DOK6: variants seen among roughly 807,000 people sequenced by gnomAD.
The protein encoded by DOK6 is docking protein 6.
In DOK6, 22 loss-of-function variants were observed where a neutral mutation model predicts 44.0. That is an observed-to-expected ratio of 0.50 (90% CI 0.36 to 0.71). DOK6 has a LOEUF of 0.71. DOK6 is among the 30% of genes least tolerant of loss of function. The pLI, the probability that DOK6 is intolerant of heterozygous loss-of-function variation, is 0.00. For missense variants in DOK6, 340 were observed against 416.4 expected (o/e 0.82, Z 1.60); for synonymous variants, 166 against 145.5 (o/e 1.14, Z -1.01).
rs35345033 is a variant in DOK6, at chr18:69,635,270, ATT to A, written c.289+35776_289+35777del. Among the ~76,000 whole-genome samples, 1,016 of 148,992 alleles carry A rather than the reference ATT, an allele frequency of 6.8e-3. 13 individuals carry two copies. Among genetic ancestry groups the A allele is most frequent in the Non-Finnish European group, 0.01 (685 of 66,210 alleles). ...GCGAGGTGGAAACCAGAGATTCGATATTTTTCTCTTTTTTTCTCCTCATATGG... is the reference window on the plus strand; with the variant it reads ...GCGAGGTGGAAACCAGAGATTCGATATTTCTCTTTTTTTCTCCTCATATGG... On this transcript the variant is annotated intron_variant, in intron 3 of 7. Coordinates refer to ENST00000382713, the MANE Select transcript of DOK6 (RefSeq NM_152721.6).
intron 5 of DOK6, among the ~76,000 whole-genome samples, chr18:69,707,758 AG>A (rs923076478): frequency 1.4e-4 from 21 of 152,152 alleles, no homozygotes; most frequent in African/African-American, 4.8e-4. Flanking sequence ...ACTAGTGATA[AG>A]GTTTCCAGAT....
chr18:69,564,430 T>C, intron 1 of DOK6, 57 bp from the exon 2 acceptor site: 1 of 1,481,050 alleles, frequency 6.8e-7, no homozygotes, highest in Non-Finnish European at 9.3e-7. Context: ...AATCAACTCC[T>C]AATGTCGTAA....
At chr18:69,678,374 C>T (rs967734700) in intron 4 of DOK6, among the ~76,000 whole-genome samples, 8 of 152,142 alleles carry the variant, frequency 5.3e-5, no homozygotes, top group Admixed American at 3.9e-4. Flanking sequence ...TGTGGCATTG[C>T]CTTTTATCCT....
At chr18:69,528,315 G>A (rs533395095) in intron 1 of DOK6, among the ~76,000 whole-genome samples, 22 of 152,118 alleles carry the variant, frequency 1.4e-4, no homozygotes, top group African/African-American at 3.4e-4. Flanking sequence ...TAAATATAAC[G>A]GTTATATTCT....
intron 7 of DOK6, among the ~76,000 whole-genome samples, chr18:69,774,133 G>GATAGATATATATATAT (rs1555670145): frequency 1.0e-4 from 7 of 66,866 alleles, no homozygotes; most frequent in African/African-American, 1.7e-4. Flanking sequence ...ATATATATGA[G>GATAGATATATATATAT]ATATATATAT....
chr18:69,787,526 T>A (rs1980468394), intron 7 of DOK6, among the ~76,000 whole-genome samples: 1 of 152,172 alleles, frequency 6.6e-6, no homozygotes, highest in Non-Finnish European at 1.5e-5. Flanking sequence ...CTGTCAAGGG[T>A]CACAGTCTTG....
intron 7 of DOK6, among the ~76,000 whole-genome samples, chr18:69,793,445 G>A (rs182064173): frequency 7.2e-5 from 11 of 152,184 alleles, no homozygotes; most frequent in East Asian, 1.9e-4. Context: ...GTTGATTACC[G>A]CACCAGAGTT....
chr18:69,633,912 A>G (rs1488641097), intron 3 of DOK6, among the ~76,000 whole-genome samples: 1 of 152,164 alleles, frequency 6.6e-6, no homozygotes, highest in Non-Finnish European at 1.5e-5. Flanking sequence ...TGGCTCACCA[A>G]TGGTTTTAGG....
chr18:69,626,078 C>T (rs1314096008), intron 3 of DOK6, among the ~76,000 whole-genome samples: 1 of 152,168 alleles, frequency 6.6e-6, no homozygotes, highest in African/African-American at 2.4e-5. Context: ...TGCCAATTCC[C>T]AAGCAGAGAA....
chr18:69,770,761 C>T (rs1979864422), intron 7 of DOK6, among the ~76,000 whole-genome samples: 1 of 152,106 alleles, frequency 6.6e-6, no homozygotes, highest in South Asian at 2.1e-4. Context: ...GTTCCTCCCT[C>T]ATTTCAACTT....
Position 69,431,610 on chromosome 18 carries a change from A to G in DOK6, c.66+30300A>G, listed in dbSNP as rs565043647. On this transcript the variant is annotated intron_variant, in intron 1 of 7. Transcript: ENST00000382713. ...GGCGCTACCTGTCTCATTCCAGCCC[A>G]AGAATGGCAGGGCTGATTTTTACAG... Among the ~76,000 whole-genome samples, 3 of 152,316 alleles carry G rather than the reference A, an allele frequency of 2.0e-5. No homozygotes were observed. In the East Asian group the frequency reaches 5.8e-4, roughly 29 times the overall value.
intron 2 of DOK6, among the ~76,000 whole-genome samples, chr18:69,587,797 G>C (rs1568304553): frequency 7.8e-5 from 4 of 51,450 alleles, no homozygotes; most frequent in African/African-American, 2.2e-4. Context: ...ACACACACGA[G>C]AAGTAAGTGC....
chr18:69,469,797 GGCAGAGGCGCC>G, intron 1 of DOK6: 3 of 237,016 alleles, frequency 1.3e-5, no homozygotes, highest in Non-Finnish European at 2.6e-5. Flanking sequence ...GATGGAGCGC[GGCAGAGGCGCC>G]CCCACTGTCT....
chr18:69,640,291 T>C (rs1461499260), intron 3 of DOK6, among the ~76,000 whole-genome samples: 1 of 152,220 alleles, frequency 6.6e-6, no homozygotes, highest in Non-Finnish European at 1.5e-5. Flanking sequence ...TCAAAGAGAA[T>C]CTCACAGTCC....
intron 1 of DOK6, among the ~76,000 whole-genome samples, chr18:69,551,195 G>T (rs927806424): frequency 1.3e-5 from 2 of 152,118 alleles, no homozygotes; most frequent in Admixed American, 1.3e-4. Flanking sequence ...CTTTGAGAAT[G>T]AGTTGAAATC....
intron 3 of DOK6, among the ~76,000 whole-genome samples, chr18:69,670,674 T>C (rs1985776478): frequency 6.6e-6 from 1 of 152,058 alleles, no homozygotes; most frequent in Non-Finnish European, 1.5e-5. Flanking sequence ...CATGCCCAGC[T>C]AATTTTTGTG....
At chr18:69,686,616 A>G (rs577130257) in intron 4 of DOK6, among the ~76,000 whole-genome samples, 44 of 152,292 alleles carry the variant, frequency 2.9e-4, no homozygotes, top group African/African-American at 1.0e-3. Flanking sequence ...TAATGGAAAC[A>G]TCAAAATAGT....
intron 7 of DOK6, among the ~76,000 whole-genome samples, chr18:69,766,882 CAG>C (rs138439794): frequency 0.031 from 4,688 of 152,210 alleles, 241 homozygotes; most frequent in African/African-American, 0.11. Flanking sequence ...AATATTATTA[CAG>C]AGTTCTTACT....
intron 2 of DOK6, among the ~76,000 whole-genome samples, chr18:69,565,505 GTGTGTGTGTGTGTGTGTATATA>G (rs773067424): frequency 0.047 from 768 of 16,268 alleles, 7 homozygotes; most frequent in Non-Finnish European, 0.29. Context: ...GTGTGTGTGT[GTGTGTGTGTGTGTGTGTATATA>G]TATATACATA....
Sources: gnomAD v4.1 joint callset for allele counts (sites outside exome capture counted in the v4.1 genomes callset) on GRCh38, gnomAD v4.1.1 for gene constraint, MANE v1.5 for transcripts, NCBI Gene and HGNC (gene_info 2026-07-23, HGNC 2026-07-21) for gene names.